The following TMEM268 variants were observed in gnomAD, a reference collection of about 807,000 sequenced individuals.
The protein encoded by TMEM268 is transmembrane protein C9orf91.
A neutral mutation model predicts 39.1 loss-of-function variants in TMEM268; 24 were observed. The ratio of observed to expected loss-of-function variants is 0.61; its 90% CI spans 0.44 to 0.86. The LOEUF (loss-of-function observed/expected upper bound fraction) is 0.86, where lower values mean the gene tolerates loss of function less well. TMEM268 is among the 40% of genes least tolerant of loss of function. The probability of loss-of-function intolerance (pLI) is 0.00; values close to 1 mark genes in which losing one functional copy is unlikely to be tolerated. For synonymous variants in TMEM268, 176 were observed against 173.5 expected (o/e 1.01, Z -0.12); for missense variants, 409 against 428.6 (o/e 0.95, Z 0.40).
Position 114,625,049 on chromosome 9 carries a change from T to C in TMEM268, c.216+590T>C, listed in dbSNP as rs574470111. Among the ~76,000 whole-genome samples the C allele has an allele frequency of 2.0e-5, 3 of 152,344 alleles. No homozygotes were observed. In the South Asian group the frequency reaches 6.2e-4, roughly 32 times the overall value. On this transcript the variant is annotated intron_variant, in intron 3 of 8. Coordinates refer to ENST00000288502, the MANE Select transcript of TMEM268 (RefSeq NM_153045.4). ...CAAGCATAGTGATTTGAGGCCAGGC[T>C]TCACAGACCTGTGGAACTGGATGCA...
chr9:114,638,985 A>G lies in TMEM268; in HGVS notation c.849+259A>G, dbSNP rs547444800. Among the ~76,000 whole-genome samples the G allele has an allele frequency of 2.0e-5, 3 of 152,334 alleles. No homozygotes were observed. In the East Asian group the frequency reaches 5.8e-4, roughly 29 times the overall value. On this transcript the variant is annotated intron_variant, in intron 8 of 8. Coordinates refer to ENST00000288502, the MANE Select transcript of TMEM268 (RefSeq NM_153045.4). ...CTTGGATATTCTTTTTGATGGTTGC[A>G]TTGGATGGGTAGTTGCATGTTGATA...
Position 114,643,229 on chromosome 9 carries a change from G to A in TMEM268, c.945G>A (p.Thr315=), listed in dbSNP as rs771217580. Residue 315 remains threonine (T), a synonymous_variant, in exon 9 of 9, where the codon ACG becomes ACA. Coordinates refer to ENST00000288502, the MANE Select transcript of TMEM268 (RefSeq NM_153045.4). The part of the protein sequence containing the change: ...QLPQAMGTRH[T]NSPRIPCPCQ... ...CTCAGGCAATGGGGACACGACACAC[G>A]AACTCTCCGAGAATTCCATGCCCCT... 7.4e-6 allele frequency: 12 copies of A among 1,614,108 alleles called. No homozygotes were observed. The highest frequency in any genetic ancestry group is 2.2e-5 in the East Asian group (1 of 44,880).
In TMEM268 at chr9:114,643,051, G is replaced by A. The variant is rs898488714; in HGVS notation, c.850-83G>A. 5.7e-6 allele frequency: 8 copies of A among 1,409,946 alleles called. No homozygotes were observed. The African/African-American group carries it at 8.5e-5, about 15-fold the overall frequency. The allele number at this position is 1,409,946 out of a possible 1,614,324, so 87.3% of individuals were successfully genotyped here. ...TGCTGGGTCCAGGGGCAAGAAAGCAGCATGTCCTTCCCCTGGTGCCTAAGC... is the reference window on the plus strand; with the variant it reads ...TGCTGGGTCCAGGGGCAAGAAAGCAACATGTCCTTCCCCTGGTGCCTAAGC... On this transcript the variant is annotated intron_variant, in intron 8 of 8. Transcript: ENST00000288502.
rs377056817 is a variant in TMEM268, at chr9:114,643,144, G to T, written c.860G>T (p.Arg287Leu). ...VPEAEPEEMA[R>L]QLLAVFGGYY... ...CCCTGCCTCTTCTAGGAAATGGCCC[G>T]CCAGCTGCTGGCAGTGTTTGGCGGC... The change falls in exon 9 of 9, where the codon CGC becomes CTC. Residue 287 changes from arginine to leucine, a missense_variant. Arg to Leu is a moderately radical substitution (Grantham distance 102, BLOSUM62 -2). Transcript: ENST00000288502. 1.2e-6 allele frequency: 2 copies of T among 1,613,974 alleles called. No individual in the cohort carries two copies. The highest frequency in any genetic ancestry group is 2.7e-5 in the African/African-American group (2 of 74,902).
intron 1 of TMEM268, among the ~76,000 whole-genome samples, chr9:114,614,737 CCAGGGGA>C (rs1362701535): frequency 1.3e-5 from 2 of 152,128 alleles, no homozygotes; most frequent in African/African-American, 4.8e-5. Context: ...GTGTGTCATC[CCAGGGGA>C]CATAAGCCTG....
At chr9:114,606,780 A>G (rs1048182363), upstream of TMEM268, among the ~76,000 whole-genome samples, 1 of 152,006 alleles carries the variant, frequency 6.6e-6, no homozygotes, top group African/African-American at 2.4e-5. Flanking sequence ...TGTTCAGGCC[A>G]TGGCAATGTT....
chr9:114,636,511 T>C (rs1846644820), intron 6 of TMEM268, among the ~76,000 whole-genome samples: 2 of 150,630 alleles, frequency 1.3e-5, no homozygotes, highest in Non-Finnish European at 2.9e-5. Context: ...TTTTCTTTCT[T>C]TTCTTTTCAG....
In TMEM268 at chr9:114,642,987, A is replaced by G. The variant is rs1827420255; in HGVS notation, c.850-147A>G. ...CAGGCTGGCATCTTCTGAGAGTCCT[A>G]GGTGCTGACCTGGCCTGGTTCTTCC... On this transcript the variant is annotated intron_variant, in intron 8 of 8. Transcript: ENST00000288502. 4.1e-6 allele frequency: 3 copies of G among 731,212 alleles called. No individual in the cohort carries two copies. In the East Asian group the frequency reaches 8.0e-5, roughly 20 times the overall value. 45.3% of individuals were successfully genotyped at this position (731,212 alleles called of 1,614,324 possible).
At chr9:114,614,193 A>G (rs1304586889) in intron 1 of TMEM268, among the ~76,000 whole-genome samples, 3 of 152,210 alleles carry the variant, frequency 2.0e-5, no homozygotes, top group Non-Finnish European at 4.4e-5. Flanking sequence ...TTCTGGCTCT[A>G]AAGTCTTCAA....
chr9:114,608,271 A>G (rs1460881467), upstream of TMEM268, among the ~76,000 whole-genome samples: 1 of 152,188 alleles, frequency 6.6e-6, no homozygotes, highest in East Asian at 1.9e-4. Flanking sequence ...CATCACTTCA[A>G]TTAATTCTTG....
chr9:114,605,114 G>T, the TMEM268 span, among the ~76,000 whole-genome samples: 1 of 152,202 alleles, frequency 6.6e-6, no homozygotes, highest in Non-Finnish European at 1.5e-5. Flanking sequence ...CAAGAAAACT[G>T]ATGGTACCAG....
At chr9:114,616,065 G>C (rs949035479) in intron 1 of TMEM268, among the ~76,000 whole-genome samples, 2 of 146,526 alleles carry the variant, frequency 1.4e-5, no homozygotes, top group Non-Finnish European at 3.0e-5. Context: ...GTCCAGGCTG[G>C]AGTGCAGTGG....
Position 114,624,301 on chromosome 9 carries a change from C to G in TMEM268, c.107-49C>G, listed in dbSNP as rs1266972764. The G allele has an allele frequency of 1.9e-6, 3 of 1,555,680 alleles. No homozygotes were observed. The African/African-American group carries it at 4.1e-5, about 21-fold the overall frequency. On this transcript the variant is annotated intron_variant, in intron 2 of 8. Transcript: ENST00000288502. ...CCAGGCTTCGGGCTCACCCCACGAG[C>G]CTGGTATGGTTATCACTCAGCCAGA...
chr9:114,629,192 A>G (rs961215873), intron 5 of TMEM268, among the ~76,000 whole-genome samples: 1 of 152,256 alleles, frequency 6.6e-6, no homozygotes, highest in Non-Finnish European at 1.5e-5. Context: ...ATTACCATGA[A>G]CTTATTGGAT....
upstream of TMEM268, among the ~76,000 whole-genome samples, chr9:114,610,501 G>A (rs1020860746): frequency 6.6e-6 from 1 of 152,220 alleles, no homozygotes; most frequent in Non-Finnish European, 1.5e-5. Flanking sequence ...GTGCCCAACA[G>A]AATAGAAAAG....
intron 7 of TMEM268, among the ~76,000 whole-genome samples, chr9:114,637,750 G>A (rs1041641907): frequency 2.0e-5 from 3 of 152,160 alleles, no homozygotes; most frequent in South Asian, 2.1e-4. Context: ...AACAGGCTCC[G>A]GGATGACCTG....
At chr9:114,615,177 G>A (rs1375989856) in intron 1 of TMEM268, among the ~76,000 whole-genome samples, 4 of 152,238 alleles carry the variant, frequency 2.6e-5, no homozygotes, top group East Asian at 1.9e-4. Flanking sequence ...GATTACAGGC[G>A]TGAGCCACCG....
At chr9:114,616,865 T>C (rs1845736914) in intron 1 of TMEM268, among the ~76,000 whole-genome samples, 1 of 152,188 alleles carries the variant, frequency 6.6e-6, no homozygotes, top group Admixed American at 6.5e-5. Context: ...GGCCCCTGGC[T>C]GTGCCTGAGC....
In TMEM268 at chr9:114,638,714, G is replaced by A. The variant is rs148357461; in HGVS notation, c.837G>A (p.Glu279=). 3.8e-6 allele frequency: 6 copies of A among 1,583,668 alleles called. No individual in the cohort carries two copies. The highest frequency in any genetic ancestry group is 5.1e-6 in the Non-Finnish European group (6 of 1,165,228). The change falls in exon 8 of 9, where the codon GAG becomes GAA. Residue 279 remains glutamate, a synonymous_variant. Coordinates refer to ENST00000288502, the MANE Select transcript of TMEM268 (RefSeq NM_153045.4). ...CTGAGCTTCATCAGCTTGTTCCTGA[G>A]GCTGAGCCGGAGGTAACAGGCACTG... ...MQTELHQLVP[E]AEPEEMARQL...
Sources: allele counts gnomAD v4.1 joint callset (sites outside exome capture counted in the v4.1 genomes callset), GRCh38; gene constraint gnomAD v4.1.1; transcripts MANE v1.5; gene names NCBI Gene and HGNC (gene_info 2026-07-23, HGNC 2026-07-21).